The following LY75 variants were observed in gnomAD, a reference collection of about 807,000 sequenced individuals.
LY75 encodes lymphocyte antigen 75.
LY75 carries 185 observed loss-of-function variants against 231.7 expected under a neutral mutation model. The ratio of observed to expected loss-of-function variants is 0.80; its 90% CI spans 0.71 to 0.90. The LOEUF (loss-of-function observed/expected upper bound fraction) is 0.90, where lower values mean the gene tolerates loss of function less well. LY75 is among the 40% of genes least tolerant of loss of function. LY75 has a pLI of 0.00. For synonymous variants in LY75, 668 were observed against 689.0 expected (o/e 0.97, Z 0.48); for missense variants, 1,947 against 2,050.2 (o/e 0.95, Z 0.97).
At chr2:159,874,713 AAT>A (rs1422133727) in intron 12 of LY75, among the ~76,000 whole-genome samples, 2 of 36,446 alleles carry the variant, frequency 5.5e-5, no homozygotes, top group African/African-American at 1.3e-4. Context: ...AATATATGTA[AAT>A]ATATATATTT....
chr2:159,833,788 G>T (rs950665084), intron 27 of LY75, among the ~76,000 whole-genome samples: 1 of 152,112 alleles, frequency 6.6e-6, no homozygotes, highest in Non-Finnish European at 1.5e-5. Context: ...TTGAGGGTGG[G>T]TTTTTCCCGT....
chr2:159,875,682 G>A lies in LY75; in HGVS notation c.1775-39C>T, dbSNP rs72957547. The A allele has an allele frequency of 7.5e-6, 12 of 1,606,114 alleles. No homozygotes were observed. In the East Asian group the frequency reaches 1.3e-4, roughly 18 times the overall value. On this transcript the variant is annotated intron_variant, in intron 11 of 34. Transcript: ENST00000263636. ...GGAAAGCTCAATTAAAAATTAAAACGTTAAAGTTCAAACATTTTCTAGTGT... is the reference window on the plus strand; with the variant it reads ...GGAAAGCTCAATTAAAAATTAAAACATTAAAGTTCAAACATTTTCTAGTGT...
Position 159,819,719 on chromosome 2 carries a change from T to C in LY75, c.4153+7A>G. 1 of 1,605,580 alleles carries C rather than the reference T, an allele frequency of 6.2e-7. No individual in the cohort carries two copies. The highest frequency in any genetic ancestry group is 8.5e-7 in the Non-Finnish European group (1 of 1,177,264). ...TGAAAGAAAACTCTATATTTTACTATACTTACCCATTTCAATTTTACAAGC... is the reference window on the plus strand; with the variant it reads ...TGAAAGAAAACTCTATATTTTACTACACTTACCCATTTCAATTTTACAAGC... On this transcript the variant is annotated splice_region_variant and intron_variant, in intron 29 of 34. Coordinates refer to ENST00000263636, the MANE Select transcript of LY75 (RefSeq NM_002349.4).
Position 159,872,519 on chromosome 2 carries a change from T to G in LY75, c.2049A>C (p.Ala683=). ...EAERFCQALG[A]HLSSFSHVDE... The stretch of plus-strand genomic sequence containing the variant: ...CCACATGGCTGAAGCTAGAAAGGTG[T>G]GCTCCAAGGGCTTGGCAGAATCGTT... The change falls in exon 13 of 35, where the codon GCA becomes GCC. Residue 683 remains alanine (A), a synonymous_variant. Transcript: ENST00000263636. 2 of 1,614,054 alleles carry G rather than the reference T, an allele frequency of 1.2e-6. No individual in the cohort carries two copies. The highest frequency in any genetic ancestry group is 1.7e-6 in the Non-Finnish European group (2 of 1,179,956).
chr2:159,898,820 G>A lies in LY75; in HGVS notation c.334C>T (p.His112Tyr). The change falls in exon 2 of 35, where the codon CAC (histidine) becomes TAC (tyrosine). Residue 112 changes from histidine to tyrosine, a missense_variant. His to Tyr is a moderately conservative substitution (Grantham distance 83, BLOSUM62 2). Transcript: ENST00000263636. ...SSAMLWWKCE[H>Y]HSLYGAARYR... ...CGGGCAGCTCCGTACAGAGAGTGGT[G>A]CTCACATTTCCACCACAGCATGGCA... 6.2e-7 allele frequency: 1 copy of A among 1,614,154 alleles called. No individual in the cohort carries two copies. Among genetic ancestry groups the A allele is most frequent in the Non-Finnish European group, 8.5e-7 (1 of 1,180,014 alleles).
chr2:159,813,066 A>G (rs1683010607), intron 31 of LY75, among the ~76,000 whole-genome samples: 1 of 152,156 alleles, frequency 6.6e-6, no homozygotes. Context: ...TCGTCCATCC[A>G]TGGACACTTG....
At chr2:159,843,815 C>G (rs1451923212) in intron 23 of LY75, among the ~76,000 whole-genome samples, 1 of 151,872 alleles carries the variant, frequency 6.6e-6, no homozygotes, top group Non-Finnish European at 1.5e-5. Flanking sequence ...GTTATCTTTA[C>G]AAAGAAAAGA....
intron 18 of LY75, 36 bp from the exon 19 acceptor site, chr2:159,853,733 C>T: frequency 6.2e-7 from 1 of 1,612,152 alleles, no homozygotes; most frequent in South Asian, 1.1e-5. Context: ...CTTATATGTG[C>T]TGAGCTTTCT....
intron 1 of LY75, chr2:159,902,299 T>C (rs1686104979): frequency 6.6e-6 from 1 of 152,196 alleles, no homozygotes; most frequent in African/African-American, 2.4e-5. Flanking sequence ...CTAGATGCAT[T>C]TTGTATATGC....
chr2:159,898,715 C>T lies in LY75; in HGVS notation c.439G>A (p.Glu147Lys), dbSNP rs1685975369. ...TGATAAGGCTGGTCACAAAGGCTTTCCTCTGAGCCTCCTTTCTTCCAGACA... is the reference window on the plus strand; with the variant it reads ...TGATAAGGCTGGTCACAAAGGCTTTTCTCTGAGCCTCCTTTCTTCCAGACA... The part of the protein sequence containing the change: ...SDVWKKGGSE[E>K]SLCDQPYHEI... The change falls in exon 2 of 35, where the codon GAA becomes AAA. Residue 147 changes from glutamate to lysine, a missense_variant. Coordinates refer to ENST00000263636, the MANE Select transcript of LY75 (RefSeq NM_002349.4). 2 of 1,613,844 alleles carry T rather than the reference C, an allele frequency of 1.2e-6. No homozygotes were observed. Among genetic ancestry groups the T allele is most frequent in the African/African-American group, 2.7e-5 (2 of 74,926 alleles).
chr2:159,874,849 A>G lies in LY75; in HGVS notation c.1974+595T>C, dbSNP rs1194415176. Among the ~76,000 whole-genome samples the G allele has an allele frequency of 6.2e-4, 6 of 9,632 alleles. 1 individual carries two copies. The highest frequency in any genetic ancestry group is 9.3e-3 in the East Asian group (1 of 108). 6.3% of individuals were successfully genotyped at this position (9,632 alleles called of 152,430 possible). ...ATATATATTTTGTAAATATATGTAAATATATATATATTTTGTAAATATATA... is the reference window on the plus strand; with the variant it reads ...ATATATATTTTGTAAATATATGTAAGTATATATATATTTTGTAAATATATA... On this transcript the variant is annotated intron_variant, in intron 12 of 34. Transcript: ENST00000263636.
chr2:159,864,908 C>A lies in LY75; in HGVS notation c.2130G>T (p.Trp710Cys). The A allele has an allele frequency of 1.9e-6, 3 of 1,599,070 alleles. No homozygotes were observed. Among genetic ancestry groups the A allele is most frequent in the Non-Finnish European group, 2.6e-6 (3 of 1,173,766 alleles). Residue 710 changes from tryptophan to cysteine, a missense_variant, in exon 14 of 35, where the codon TGG becomes TGT. Coordinates refer to ENST00000263636, the MANE Select transcript of LY75 (RefSeq NM_002349.4). ...TCCTTTTATTCAAACCAATCCACAG[C>A]CAATGCTGGCCACTATGTAAAAAGC... ...FLTDQFSGQH[W>C]LWIGLNKRSP...
At chr2:159,855,086 T>C in intron 16 of LY75, 147 bp from the exon 17 acceptor site, 1 of 965,350 alleles carries the variant, frequency 1.0e-6, no homozygotes, top group Non-Finnish European at 1.5e-6. Context: ...TTTTGATCAC[T>C]TTAGTTGTAT....
At chr2:159,845,738 G>A (rs1051051064) in intron 23 of LY75, among the ~76,000 whole-genome samples, 30 of 149,692 alleles carry the variant, frequency 2.0e-4, no homozygotes, top group South Asian at 2.2e-4. Flanking sequence ...GCAGTTGGTC[G>A]AATCCAGATT....
chr2:159,872,135 T>C, intron 13 of LY75: 1 of 204,536 alleles, frequency 4.9e-6, no homozygotes, highest in Non-Finnish European at 9.8e-6. Flanking sequence ...CTGATTATAC[T>C]CCCAGAAACA....
intron 13 of LY75, 86 bp downstream of exon 13, chr2:159,872,365 C>T: frequency 1.3e-6 from 2 of 1,512,880 alleles, no homozygotes; most frequent in Non-Finnish European, 1.8e-6. Flanking sequence ...TTTTTTCCAA[C>T]AGAGAGTGAG....
chr2:159,821,901 G>T (rs1052614419), intron 28 of LY75, among the ~76,000 whole-genome samples: 2 of 152,204 alleles, frequency 1.3e-5, no homozygotes, highest in African/African-American at 4.8e-5. Flanking sequence ...GCTGAAGCAG[G>T]GTGGGGCATT....
chr2:159,850,583 AT>A, intron 21 of LY75, 116 bp from the exon 22 acceptor site: 1 of 1,310,502 alleles, frequency 7.6e-7, no homozygotes. Flanking sequence ...AGATATGGTA[AT>A]TTGCAATGTA....
chr2:159,847,388 G>A (rs895351510), intron 23 of LY75, among the ~76,000 whole-genome samples: 1 of 152,116 alleles, frequency 6.6e-6, no homozygotes, highest in Non-Finnish European at 1.5e-5. Context: ...TGGGAGGGCA[G>A]TGTTGCAATC....
Sources: gnomAD v4.1 joint callset for allele counts (sites outside exome capture counted in the v4.1 genomes callset) on GRCh38, gnomAD v4.1.1 for gene constraint, MANE v1.5 for transcripts, NCBI Gene and HGNC (gene_info 2026-07-23, HGNC 2026-07-21) for gene names.